The following ST6GALNAC3 variants were observed in gnomAD, a reference collection of about 807,000 sequenced individuals.
The protein encoded by ST6GALNAC3 is alpha-N-acetylgalactosaminide alpha-2,6-sialyltransferase 3.
In ST6GALNAC3, 25 loss-of-function variants were observed where a neutral mutation model predicts 32.7. That is an observed-to-expected ratio of 0.76 (90% CI 0.56 to 1.07). The LOEUF (loss-of-function observed/expected upper bound fraction) is 1.07. ST6GALNAC3 is among the 50% of genes least tolerant of loss of function. The pLI is 0.00. For synonymous variants in ST6GALNAC3, 129 were observed against 133.1 expected, an observed-to-expected ratio of 0.97 and a Z score of 0.21; for missense variants, 355 against 382.4, an observed-to-expected ratio of 0.93 and a Z score of 0.60.
intron 1 of ST6GALNAC3, among the ~76,000 whole-genome samples, chr1:76,277,861 T>C (rs536687695): frequency 4.6e-5 from 7 of 152,194 alleles, no homozygotes; most frequent in Non-Finnish European, 1.0e-4. Flanking sequence ...GTCTGTTGTC[T>C]TTGAGTCAGT....
At chr1:76,153,244 C>T (rs1293264000) in intron 1 of ST6GALNAC3, among the ~76,000 whole-genome samples, 4 of 152,106 alleles carry the variant, frequency 2.6e-5, no homozygotes, top group South Asian at 2.1e-4. Context: ...TCCCCTATAG[C>T]TATTGCCTAT....
chr1:76,185,661 G>A (rs1443894086), intron 1 of ST6GALNAC3, among the ~76,000 whole-genome samples: 2 of 152,114 alleles, frequency 1.3e-5, no homozygotes, highest in Non-Finnish European at 2.9e-5. Flanking sequence ...AGCACATACT[G>A]TGTTCTGTGC....
chr1:76,302,424 C>CT (rs748605615), intron 1 of ST6GALNAC3, among the ~76,000 whole-genome samples: 3 of 152,000 alleles, frequency 2.0e-5, no homozygotes, highest in Non-Finnish European at 4.4e-5. Flanking sequence ...TGAATGGAAG[C>CT]TTTCTTTCTG....
intron 3 of ST6GALNAC3, among the ~76,000 whole-genome samples, chr1:76,625,536 A>C (rs868777408): frequency 6.6e-6 from 1 of 151,922 alleles, no homozygotes; most frequent in Non-Finnish European, 1.5e-5. Flanking sequence ...AATTCAGTAC[A>C]TAGACAAAAT....
intron 2 of ST6GALNAC3, among the ~76,000 whole-genome samples, chr1:76,335,237 G>A (rs1647367461): frequency 6.6e-6 from 1 of 152,074 alleles, no homozygotes; most frequent in Non-Finnish European, 1.5e-5. Context: ...TACCTGGCGG[G>A]TTATTGTCAT....
intron 3 of ST6GALNAC3, among the ~76,000 whole-genome samples, chr1:76,609,786 C>G (rs555200143): frequency 3.9e-5 from 6 of 151,918 alleles, no homozygotes; most frequent in Non-Finnish European, 8.8e-5. Flanking sequence ...CCTGTCCCCC[C>G]TCCTTCATAT....
At chr1:76,184,153 C>T (rs1653381699) in intron 1 of ST6GALNAC3, among the ~76,000 whole-genome samples, 1 of 151,826 alleles carries the variant, frequency 6.6e-6, no homozygotes, top group South Asian at 2.1e-4. Flanking sequence ...TTATGTGAAC[C>T]AAAAACATCT....
chr1:76,246,332 C>T (rs1429740754), intron 1 of ST6GALNAC3, among the ~76,000 whole-genome samples: 2 of 152,088 alleles, frequency 1.3e-5, no homozygotes, highest in Non-Finnish European at 2.9e-5. Context: ...CTTCTGGATA[C>T]AGCACACCAA....
At chr1:76,555,167 T>C (rs1664845247) in intron 3 of ST6GALNAC3, among the ~76,000 whole-genome samples, 1 of 152,176 alleles carries the variant, frequency 6.6e-6, no homozygotes, top group Admixed American at 6.6e-5. Flanking sequence ...AGTAAGTATG[T>C]ATTATATTGT....
intron 1 of ST6GALNAC3, among the ~76,000 whole-genome samples, chr1:76,289,248 C>G (rs921208778): frequency 1.3e-5 from 2 of 152,158 alleles, no homozygotes; most frequent in Admixed American, 1.3e-4. Context: ...ATGTTTTTCT[C>G]AAGCATTTTT....
intron 2 of ST6GALNAC3, among the ~76,000 whole-genome samples, chr1:76,334,075 A>G (rs1329622904): frequency 1.3e-5 from 2 of 152,238 alleles, no homozygotes; most frequent in African/African-American, 4.8e-5. Flanking sequence ...TTCAAAGATG[A>G]TTCCACCTGG....
At chr1:76,362,794 GC>G (rs1650070958) in intron 2 of ST6GALNAC3, among the ~76,000 whole-genome samples, 1 of 152,218 alleles carries the variant, frequency 6.6e-6, no homozygotes, top group Admixed American at 6.5e-5. Context: ...AAGGCCTTGG[GC>G]AGCTCTGTCC....
intron 1 of ST6GALNAC3, among the ~76,000 whole-genome samples, chr1:76,296,707 G>T (rs1318978669): frequency 6.6e-6 from 1 of 152,036 alleles, no homozygotes; most frequent in Non-Finnish European, 1.5e-5. Flanking sequence ...GGATGACATA[G>T]TGGCAACCAA....
At chr1:76,523,296 A>G (rs315086) in intron 3 of ST6GALNAC3, among the ~76,000 whole-genome samples, 58,328 of 151,636 alleles carry the variant, frequency 0.38, 11,245 homozygotes, top group Admixed American at 0.4. Flanking sequence ...CATTTTTTTT[A>G]TAATGTTTGT....
At chr1:76,613,698 T>C (rs1013213186) in intron 3 of ST6GALNAC3, among the ~76,000 whole-genome samples, 3 of 152,230 alleles carry the variant, frequency 2.0e-5, no homozygotes, top group Admixed American at 1.3e-4. Flanking sequence ...GTAGCCCCTC[T>C]TCCTTTTCTC....
At chr1:76,161,583 C>G (rs941253585) in intron 1 of ST6GALNAC3, among the ~76,000 whole-genome samples, 2 of 152,208 alleles carry the variant, frequency 1.3e-5, no homozygotes, top group Non-Finnish European at 2.9e-5. Context: ...TTTACATACT[C>G]TACTGAGATC....
At chr1:76,385,779 T>C (rs142102771) in intron 2 of ST6GALNAC3, among the ~76,000 whole-genome samples, 120 of 152,218 alleles carry the variant, frequency 7.9e-4, no homozygotes, top group African/African-American at 2.4e-3. Flanking sequence ...TGGGTGAGGA[T>C]GAGCTTACAT....
intron 1 of ST6GALNAC3, among the ~76,000 whole-genome samples, chr1:76,186,003 A>G (rs1197697152): frequency 1.3e-5 from 2 of 152,212 alleles, no homozygotes; most frequent in African/African-American, 4.8e-5. Flanking sequence ...GCCATTTTAT[A>G]ACAGGGACTT....
chr1:76,156,944 G>A (rs1359122384), intron 1 of ST6GALNAC3, among the ~76,000 whole-genome samples: 1 of 152,208 alleles, frequency 6.6e-6, no homozygotes, highest in South Asian at 2.1e-4. Flanking sequence ...TGTTAGCCAG[G>A]ATGGTCTCAA....
Sources: allele counts gnomAD v4.1 joint callset (sites outside exome capture counted in the v4.1 genomes callset), GRCh38; gene constraint gnomAD v4.1.1; transcripts MANE v1.5; gene names NCBI Gene and HGNC (gene_info 2026-07-23, HGNC 2026-07-21).